The following GLIS1 variants were observed in gnomAD, a reference collection of about 807,000 sequenced individuals.
GLIS1 encodes the protein GLIS family zinc finger 1, also known as zinc finger protein GLIS1.
GLIS1 carries 24 observed loss-of-function variants against 63.8 expected under a neutral mutation model. The observed-to-expected ratio is 0.38, with a 90% CI of 0.27 to 0.53. GLIS1 has a LOEUF of 0.53. Among genes scored for constraint, GLIS1 ranks in the 20% least tolerant of loss-of-function variants. The pLI is 0.85. For synonymous variants in GLIS1, 450 were observed against 482.5 expected, an observed-to-expected ratio of 0.93 and a Z score of 0.88; for missense variants, 1,036 against 1,074.1, an observed-to-expected ratio of 0.96 and a Z score of 0.50.
chr1:53,570,664 T>G (rs1265145481), intron 4 of GLIS1, among the ~76,000 whole-genome samples: 1 of 152,162 alleles, frequency 6.6e-6, no homozygotes, highest in Admixed American at 6.5e-5. Context: ...ATACAGAGTC[T>G]CTGATATATG....
intron 2 of GLIS1, among the ~76,000 whole-genome samples, chr1:53,715,085 T>A (rs1364429643): frequency 6.6e-6 from 1 of 152,074 alleles, no homozygotes; most frequent in Non-Finnish European, 1.5e-5. Context: ...TTCACTTAGT[T>A]TTTTTATTTT....
intron 4 of GLIS1, among the ~76,000 whole-genome samples, chr1:53,578,495 T>G (rs1243748088): frequency 6.6e-6 from 1 of 152,192 alleles, no homozygotes; most frequent in East Asian, 1.9e-4. Flanking sequence ...CCTCCAGCCA[T>G]CAGCTCATAT....
intron 2 of GLIS1, chr1:53,734,086 G>A (rs1463385414): frequency 4.1e-6 from 4 of 980,944 alleles, no homozygotes; most frequent in African/African-American, 3.6e-5. Flanking sequence ...CAAGTTACAA[G>A]ACTGACTGCT....
At chr1:53,543,604 TACAA>T (rs1159253089) in intron 4 of GLIS1, among the ~76,000 whole-genome samples, 4 of 152,316 alleles carry the variant, frequency 2.6e-5, no homozygotes, top group African/African-American at 9.6e-5. Context: ...AAGAAATGAC[TACAA>T]ACAAAGGACT....
intron 4 of GLIS1, among the ~76,000 whole-genome samples, chr1:53,577,106 T>A (rs1370498283): frequency 5.2e-5 from 7 of 134,702 alleles, no homozygotes; most frequent in Admixed American, 7.6e-5. Flanking sequence ...TAGCCCCCCA[T>A]CTCACAGGCT....
At chr1:53,546,560 C>T (rs1344582035) in intron 4 of GLIS1, among the ~76,000 whole-genome samples, 1 of 151,634 alleles carries the variant, frequency 6.6e-6, no homozygotes, top group Non-Finnish European at 1.5e-5. Flanking sequence ...TCCCTGTTTG[C>T]AGGTTTATTG....
rs554594645 is a variant in GLIS1 at position 53,539,649 on chromosome 1, C to T, written c.1321-9697G>A. Among the ~76,000 whole-genome samples, 79 of 152,184 alleles carry T rather than the reference C, an allele frequency of 5.2e-4. 1 individual carries two copies. The highest frequency in any genetic ancestry group is 1.8e-3 in the African/African-American group (75 of 41,510). ...CAGGACACACATGTTCACACATATA[C>T]CCAAAGACGTCCAAGCCCCAGACCT... On this transcript the variant is annotated intron_variant, in intron 4 of 10. Coordinates refer to ENST00000628545, the MANE Select transcript of GLIS1 (RefSeq NM_001367484.1). The surrounding 1 kb of genome is among the most constrained non-coding windows in gnomAD (Gnocchi z 5.0).
At chr1:53,540,394 C>T (rs900686059) in intron 4 of GLIS1, among the ~76,000 whole-genome samples, 1 of 152,162 alleles carries the variant, frequency 6.6e-6, no homozygotes, top group Non-Finnish European at 1.5e-5. Flanking sequence ...TGCAAACAAA[C>T]TCGCCCCACG....
intron 4 of GLIS1, among the ~76,000 whole-genome samples, chr1:53,575,381 C>T (rs377203796): frequency 1.7e-4 from 26 of 152,292 alleles, no homozygotes; most frequent in African/African-American, 5.8e-4. Context: ...CCTCTTTGGC[C>T]TCCTCCATCA....
intron 2 of GLIS1, 125 bp from the exon 3 acceptor site, chr1:53,600,403 A>T (rs1229524124): frequency 8.8e-6 from 4 of 455,036 alleles, no homozygotes; most frequent in Non-Finnish European, 1.4e-5. Context: ...CACTCACTGC[A>T]TCCCTGCTGC....
intron 4 of GLIS1, among the ~76,000 whole-genome samples, chr1:53,551,761 G>C (rs1434335391): frequency 6.6e-6 from 1 of 152,000 alleles, no homozygotes; most frequent in African/African-American, 2.4e-5. Context: ...CCTGTGTCAG[G>C]GCTCAAACCC....
At chr1:53,696,228 C>T (rs1204459418) in intron 2 of GLIS1, among the ~76,000 whole-genome samples, 1 of 152,190 alleles carries the variant, frequency 6.6e-6, no homozygotes, top group Non-Finnish European at 1.5e-5. Context: ...AATATTTTTC[C>T]TTCAAGCAAT....
At chr1:53,618,402 C>A (rs563022274) in intron 2 of GLIS1, among the ~76,000 whole-genome samples, 29 of 152,348 alleles carry the variant, frequency 1.9e-4, no homozygotes, top group African/African-American at 6.5e-4. Context: ...GGTGGGTCAC[C>A]AGGCCACAGT....
Position 53,509,988 on chromosome 1 carries a change from CA to C in GLIS1, c.1922del (p.Leu641ArgfsTer184). On this transcript the variant is annotated frameshift_variant, in exon 9 of 11. Coordinates refer to ENST00000628545, the MANE Select transcript of GLIS1 (RefSeq NM_001367484.1). LOFTEE classifies it high-confidence loss of function. ...GCAGCGGCGGTGGCCCCAGCCCCTT[CA>C]GGGGGCTGACTATTGGTGAGAGGAG... ...PGLLSPIVSP[L>X]KGLGPPPLPP... 7.8e-7 allele frequency: 1 copy of C among 1,287,152 alleles called. No homozygotes were observed. The highest frequency in any genetic ancestry group is 9.9e-7 in the Non-Finnish European group (1 of 1,009,062). The allele number at this position is 1,287,152 out of a possible 1,614,324, so 79.7% of individuals were successfully genotyped here.
chr1:53,714,654 CAAAT>C (rs1370890761), intron 2 of GLIS1, among the ~76,000 whole-genome samples: 1 of 152,218 alleles, frequency 6.6e-6, no homozygotes, highest in African/African-American at 2.4e-5. Flanking sequence ...TTTTTTCCTA[CAAAT>C]AGTGGCCAAG....
intron 2 of GLIS1, among the ~76,000 whole-genome samples, chr1:53,725,869 G>A (rs113210000): frequency 1.3e-5 from 2 of 152,318 alleles, no homozygotes; most frequent in African/African-American, 4.8e-5. Context: ...CTGAGTTGCT[G>A]TACTGAAAAT....
intron 2 of GLIS1, among the ~76,000 whole-genome samples, chr1:53,672,862 GC>G (rs1227018907): frequency 6.6e-6 from 1 of 152,182 alleles, no homozygotes; most frequent in Non-Finnish European, 1.5e-5. Flanking sequence ...AAATGTAGCT[GC>G]CCACAGTGGC....
intron 1 of GLIS1, 61 bp from the exon 2 acceptor site, chr1:53,738,167 G>A (rs1238548964): frequency 6.6e-6 from 7 of 1,062,860 alleles, no homozygotes; most frequent in Non-Finnish European, 8.4e-6. Flanking sequence ...TATTGTCCCG[G>A]GGCCGAGTTT....
intron 2 of GLIS1, among the ~76,000 whole-genome samples, chr1:53,633,674 C>T (rs1156785886): frequency 6.6e-6 from 1 of 152,018 alleles, no homozygotes; most frequent in Non-Finnish European, 1.5e-5. Flanking sequence ...TGTGTCAATC[C>T]TAGCACTACT....
Sources: gnomAD v4.1 joint callset for allele counts (sites outside exome capture counted in the v4.1 genomes callset) on GRCh38, gnomAD v4.1.1 for gene constraint, Gnocchi (gnomAD v3.1) non-coding constraint, MANE v1.5 for transcripts, NCBI Gene and HGNC (gene_info 2026-07-23, HGNC 2026-07-21) for gene names.